The following HMGA2 variants were observed in gnomAD, a reference collection of about 807,000 sequenced individuals.
HMGA2 encodes the protein high mobility group AT-hook 2.
A neutral mutation model predicts 19.1 loss-of-function variants in HMGA2; 8 were observed. The ratio of observed to expected loss-of-function variants is 0.42; its 90% CI spans 0.25 to 0.76. The LOEUF is 0.76. Ranked by LOEUF, HMGA2 falls within the 30% of genes least tolerant of loss-of-function variation. The probability of loss-of-function intolerance (pLI) is 0.28; values close to 1 mark genes in which losing one functional copy is unlikely to be tolerated. For synonymous variants in HMGA2, 60 were observed against 48.8 expected, an observed-to-expected ratio of 1.23 and a Z score of -0.96; for missense variants, 109 against 136.3, an observed-to-expected ratio of 0.80 and a Z score of 1.00.
At chr12:65,872,609 A>G (rs1219543298) in intron 3 of HMGA2, among the ~76,000 whole-genome samples, 14 of 152,024 alleles carry the variant, frequency 9.2e-5, no homozygotes, top group Admixed American at 9.2e-4. Flanking sequence ...AGGTGCCTGG[A>G]GCTATATGTT....
At chr12:65,949,878 T>A (rs1005669869) in intron 3 of HMGA2, among the ~76,000 whole-genome samples, 23 of 152,230 alleles carry the variant, frequency 1.5e-4, no homozygotes, top group Non-Finnish European at 2.9e-4. Flanking sequence ...AAATTTTTTT[T>A]AAATGGGCAA....
chr12:65,828,043 C>G lies in HMGA2; in HGVS notation c.154C>G (p.Pro52Ala), dbSNP rs1870297238. 6.2e-7 allele frequency: 1 copy of G among 1,613,700 alleles called. No individual in the cohort carries two copies. Among genetic ancestry groups the G allele is most frequent in the Non-Finnish European group, 8.5e-7 (1 of 1,179,842 alleles). The change falls in exon 2 of 5, where the codon CCC becomes GCC. Residue 52 changes from proline (P) to alanine (A), a missense_variant. Pro to Ala is a conservative substitution (Grantham distance 27). Transcript: ENST00000403681. ...CTCTCCTAAGAGACCCAGGGGAAGACCCAAAGGCAGCAAAAACAAGAGTCC... is the reference window on the plus strand; with the variant it reads ...CTCTCCTAAGAGACCCAGGGGAAGAGCCAAAGGCAGCAAAAACAAGAGTCC... ...EPSPKRPRGR[P>A]KGSKNKSPSK...
At chr12:65,841,991 C>T in intron 3 of HMGA2, 3 of 817,982 alleles carry the variant, frequency 3.7e-6, no homozygotes, top group Admixed American at 4.1e-5. Context: ...TTCCCTTCAT[C>T]TTTTTTTTTT....
At chr12:65,899,111 A>C (rs1874268207) in intron 3 of HMGA2, among the ~76,000 whole-genome samples, 1 of 151,896 alleles carries the variant, frequency 6.6e-6, no homozygotes, top group South Asian at 2.1e-4. Context: ...CTGGTGTTAA[A>C]AGACAATGGA....
At chr12:65,915,047 T>A in intron 3 of HMGA2, 2 of 1,613,506 alleles carry the variant, frequency 1.2e-6, no homozygotes, top group Non-Finnish European at 1.7e-6. Flanking sequence ...CATCCTGATG[T>A]CATATCCACA....
intron 2 of HMGA2, among the ~76,000 whole-genome samples, chr12:65,837,668 G>T (rs996235798): frequency 6.6e-6 from 1 of 152,118 alleles, no homozygotes; most frequent in African/African-American, 2.4e-5. Flanking sequence ...TTGGACTAGG[G>T]CTGACAAAAA....
chr12:65,905,643 C>T (rs962576781), intron 3 of HMGA2, among the ~76,000 whole-genome samples: 6 of 152,100 alleles, frequency 3.9e-5, no homozygotes, highest in African/African-American at 1.4e-4. Context: ...CAATGCCTGC[C>T]CTGTATATGC....
chr12:65,898,924 A>T (rs1398588336), intron 3 of HMGA2, among the ~76,000 whole-genome samples: 1 of 151,814 alleles, frequency 6.6e-6, no homozygotes, highest in African/African-American at 2.4e-5. Flanking sequence ...GGCGCCTGTA[A>T]TCCCAGCTAC....
chr12:65,898,356 T>C (rs933423284), intron 3 of HMGA2, among the ~76,000 whole-genome samples: 3 of 152,188 alleles, frequency 2.0e-5, no homozygotes, highest in Non-Finnish European at 4.4e-5. Flanking sequence ...GTATAACATA[T>C]TGTAAATCAT....
chr12:65,914,964 C>G (rs779606097), intron 3 of HMGA2: 40 of 1,546,566 alleles, frequency 2.6e-5, no homozygotes, highest in Non-Finnish European at 3.4e-5. Context: ...CGTGAGCCAT[C>G]GTGCCTGGTC....
chr12:65,835,348 G>A (rs2120858847), intron 2 of HMGA2, among the ~76,000 whole-genome samples: 1 of 152,178 alleles, frequency 6.6e-6, no homozygotes, highest in African/African-American at 2.4e-5. Flanking sequence ...AACTTGTTTT[G>A]CAGCCTTTGT....
intron 2 of HMGA2, among the ~76,000 whole-genome samples, chr12:65,834,991 T>C (rs1452222905): frequency 6.6e-6 from 1 of 152,148 alleles, no homozygotes; most frequent in Non-Finnish European, 1.5e-5. Context: ...AATATTCGCA[T>C]AATAGTGCTG....
chr12:65,952,374 G>A (rs1326146827), intron 4 of HMGA2: 3 of 1,534,718 alleles, frequency 2.0e-6, no homozygotes, highest in Admixed American at 2.0e-5. Flanking sequence ...TGCCTTGCCT[G>A]GGAAGGACCA....
At chr12:65,871,390 G>A (rs114777455) in intron 3 of HMGA2, among the ~76,000 whole-genome samples, 132 of 152,242 alleles carry the variant, frequency 8.7e-4, no homozygotes, top group African/African-American at 2.6e-3. Flanking sequence ...AAGAGAAGAA[G>A]GTTGCTGACT....
intron 3 of HMGA2, chr12:65,857,726 A>C (rs1373785841): frequency 6.6e-6 from 1 of 152,182 alleles, no homozygotes; most frequent in Non-Finnish European, 1.5e-5. Flanking sequence ...AGTCATGGGA[A>C]TGGATTGCTC....
intron 3 of HMGA2, chr12:65,935,065 C>T (rs1565737051): frequency 6.6e-6 from 1 of 152,134 alleles, no homozygotes; most frequent in Admixed American, 6.5e-5. Flanking sequence ...TTCTTGCCCC[C>T]CAGTAGAAGG....
chr12:65,947,201 C>T (rs1876298546), intron 3 of HMGA2, among the ~76,000 whole-genome samples: 1 of 151,914 alleles, frequency 6.6e-6, no homozygotes. Flanking sequence ...CTTACTGCAG[C>T]CATAACCTCC....
intron 2 of HMGA2, among the ~76,000 whole-genome samples, chr12:65,829,632 A>G (rs1870387492): frequency 6.6e-6 from 1 of 152,086 alleles, no homozygotes; most frequent in East Asian, 1.9e-4. Context: ...CTAGGAAGAA[A>G]TCTTTAAATT....
intron 4 of HMGA2, among the ~76,000 whole-genome samples, chr12:65,959,966 T>G (rs1386365425): frequency 6.6e-6 from 1 of 152,216 alleles, no homozygotes; most frequent in African/African-American, 2.4e-5. Flanking sequence ...CTCGGCTCAC[T>G]GCAAGCTCTG....
Sources: allele counts gnomAD v4.1 joint callset (sites outside exome capture counted in the v4.1 genomes callset), GRCh38; gene constraint gnomAD v4.1.1; transcripts MANE v1.5; gene names NCBI Gene and HGNC (gene_info 2026-07-23, HGNC 2026-07-21).